FBN2: variants seen among roughly 807,000 people sequenced by gnomAD.
FBN2 encodes fibrillin-2.
In FBN2, 105 loss-of-function variants were observed where a neutral mutation model predicts 355.6. The ratio of observed to expected loss-of-function variants is 0.30; its 90% CI spans 0.25 to 0.35. The LOEUF (loss-of-function observed/expected upper bound fraction) is 0.35, where lower values mean the gene tolerates loss of function less well. FBN2 is among the 10% of genes least tolerant of loss of function. The pLI is 1.00. For synonymous variants in FBN2, 1,350 were observed against 1,301.2 expected (o/e 1.04, Z -0.81); for missense variants, 3,280 against 3,758.7 (o/e 0.87, Z 3.33).
intron 36 of FBN2, among the ~76,000 whole-genome samples, chr5:128,317,696 C>T (rs1382610261): frequency 2.6e-5 from 4 of 152,172 alleles, no homozygotes; most frequent in Non-Finnish European, 4.4e-5. Flanking sequence ...CCTCCTCCTC[C>T]CTGTCACCTT....
In FBN2 at chr5:128,338,137, C is replaced by A; in HGVS notation, c.3473-15G>T. The A allele has an allele frequency of 6.2e-7, 1 of 1,613,266 alleles. No individual in the cohort carries two copies. The highest frequency in any genetic ancestry group is 8.5e-7 in the Non-Finnish European group (1 of 1,179,444). ...TTCGTCAATGTCTGAAAGGTAAAAACGTGAGATCCATTAAAGAACTCTGAG... is the reference window on the plus strand; with the variant it reads ...TTCGTCAATGTCTGAAAGGTAAAAAAGTGAGATCCATTAAAGAACTCTGAG... On this transcript the variant is annotated splice_polypyrimidine_tract_variant and intron_variant, in intron 26 of 64. Transcript: ENST00000262464.
intron 13 of FBN2, among the ~76,000 whole-genome samples, 196 bp from the exon 14 acceptor site, chr5:128,377,049 G>T (rs776135930): frequency 2.4e-4 from 36 of 152,074 alleles, no homozygotes; most frequent in Non-Finnish European, 2.9e-4. Flanking sequence ...TCAGTATATG[G>T]ATATAAAGGA....
rs749819006 is a variant in FBN2 at position 128,536,482 on chromosome 5, G to C, written c.257C>G (p.Pro86Arg). 25 of 1,613,270 alleles carry C rather than the reference G, an allele frequency of 1.5e-5. No individual in the cohort carries two copies. The highest frequency in any genetic ancestry group is 1.9e-5 in the Non-Finnish European group (22 of 1,179,610). The stretch of plus-strand genomic sequence containing the variant: ...GTGGAATCTGGAGCCGCACACGTTG[G>C]GCCTGTGATGGACAAGCGCGGTCAC... ...RRGQQDVLRG[P>R]NVCGSRFHSY... Residue 86 changes from proline to arginine, a missense_variant and splice_region_variant, in exon 2 of 65, where the codon CCC (proline) becomes CGC (arginine). Pro to Arg is a moderately radical substitution (Grantham distance 103). This residue lies in a region of FBN2 where 203 missense variants were observed against 142.2 expected (regional missense o/e 1.43). Coordinates refer to ENST00000262464, the MANE Select transcript of FBN2 (RefSeq NM_001999.4).
chr5:128,381,958 T>C (rs1345089614), intron 11 of FBN2, among the ~76,000 whole-genome samples: 2 of 152,048 alleles, frequency 1.3e-5, no homozygotes, highest in Non-Finnish European at 2.9e-5. Flanking sequence ...TTGGCCCACA[T>C]TTTCTTTTAT....
chr5:128,337,868 G>T, intron 27 of FBN2, 129 bp downstream of exon 27: 1 of 962,234 alleles, frequency 1.0e-6, no homozygotes. Flanking sequence ...CCAGATGTAG[G>T]GAATCTCAAT....
intron 17 of FBN2, 31 bp from the exon 18 acceptor site, chr5:128,364,756 CAACA>C: frequency 6.3e-7 from 1 of 1,587,606 alleles, no homozygotes; most frequent in Non-Finnish European, 8.6e-7. Flanking sequence ...TTAGTGCTAT[CAACA>C]AACATGTTAT....
chr5:128,349,258 A>G, intron 23 of FBN2, 89 bp downstream of exon 23: 1 of 1,506,104 alleles, frequency 6.6e-7, no homozygotes, highest in Non-Finnish European at 9.2e-7. Context: ...CTCAAGTACA[A>G]ACTCTTGTGG....
rs1382726763 is a variant in FBN2 at position 128,393,360 on chromosome 5, G to A, written c.1240C>T (p.Arg414Cys). ...GGAAGTCCATCCATGCAAAGTCTGC[G>A]ATATTCCTCTAGAAGAAAAGAAAGT... ...ACPVRGSEEY[R>C]RLCMDGLPMG... The change falls in exon 10 of 65, where the codon CGC (arginine) becomes TGC (cysteine). Residue 414 changes from arginine to cysteine, a missense_variant. By Grantham distance (180) the Arg-to-Cys change is radical. This residue lies in a region of FBN2 where 343 missense variants were observed against 331.0 expected (regional missense o/e 1.04). Transcript: ENST00000262464. 3 of 1,613,742 alleles carry A rather than the reference G, an allele frequency of 1.9e-6. No individual in the cohort carries two copies. The highest frequency in any genetic ancestry group is 2.5e-6 in the Non-Finnish European group (3 of 1,179,820).
chr5:128,530,396 C>T (rs537796211), intron 3 of FBN2, among the ~76,000 whole-genome samples, 199 bp downstream of exon 3: 40 of 152,292 alleles, frequency 2.6e-4, no homozygotes, highest in African/African-American at 9.1e-4. Flanking sequence ...GTCTGTGTTT[C>T]CTTGGGCCAG....
At chr5:128,306,820 T>C (rs149434089) in intron 42 of FBN2, among the ~76,000 whole-genome samples, 1 of 152,086 alleles carries the variant, frequency 6.6e-6, no homozygotes, top group Non-Finnish European at 1.5e-5. Flanking sequence ...AAGGTTAAAA[T>C]AAGGTAGATT....
At chr5:128,314,510 G>A (rs1220889672) in intron 36 of FBN2, among the ~76,000 whole-genome samples, 1 of 151,964 alleles carries the variant, frequency 6.6e-6, no homozygotes, top group African/African-American at 2.4e-5. Context: ...TAGAGACGGG[G>A]TTTCACCATG....
intron 14 of FBN2, among the ~76,000 whole-genome samples, chr5:128,375,948 G>C (rs1240866918): frequency 6.6e-6 from 1 of 152,098 alleles, no homozygotes; most frequent in Non-Finnish European, 1.5e-5. Flanking sequence ...TGATGTGGGA[G>C]GATGCTTGAG....
At chr5:128,265,255 T>C (rs954810136) in intron 62 of FBN2, among the ~76,000 whole-genome samples, 1 of 152,144 alleles carries the variant, frequency 6.6e-6, no homozygotes. Flanking sequence ...CTAAATTAGA[T>C]TACAATTTAA....
chr5:128,328,592 G>T, intron 34 of FBN2, 104 bp downstream of exon 34: 1 of 1,165,128 alleles, frequency 8.6e-7, no homozygotes, highest in Non-Finnish European at 1.3e-6. Context: ...TGCAGCATGT[G>T]CTATGTATTC....
chr5:128,490,491 C>T (rs576394882), intron 5 of FBN2, among the ~76,000 whole-genome samples: 1 of 152,272 alleles, frequency 6.6e-6, no homozygotes, highest in South Asian at 2.1e-4. Context: ...CAAGAGTTTA[C>T]ACCTCTATAA....
intron 5 of FBN2, among the ~76,000 whole-genome samples, chr5:128,475,706 A>C (rs1754991164): frequency 6.6e-6 from 1 of 152,190 alleles, no homozygotes; most frequent in Admixed American, 6.5e-5. Flanking sequence ...TGAATTTCTG[A>C]ACTCTGAAAA....
intron 4 of FBN2, among the ~76,000 whole-genome samples, chr5:128,526,033 C>A (rs1420723453): frequency 6.6e-6 from 1 of 151,972 alleles, no homozygotes; most frequent in Non-Finnish European, 1.5e-5. Flanking sequence ...GTTGACCTAC[C>A]CCTGACCTTA....
intron 59 of FBN2, among the ~76,000 whole-genome samples, chr5:128,275,611 AAAT>A (rs933977452): frequency 4.4e-4 from 67 of 152,252 alleles, no homozygotes; most frequent in African/African-American, 1.4e-3. Context: ...TTAGCTTGAT[AAAT>A]AATTACTTTT....
At chr5:128,361,161 T>G (rs907490033) in intron 19 of FBN2, among the ~76,000 whole-genome samples, 1 of 152,190 alleles carries the variant, frequency 6.6e-6, no homozygotes, top group Non-Finnish European at 1.5e-5. Flanking sequence ...AAAGAAGCTT[T>G]TAAACACTAG....
Sources: allele counts gnomAD v4.1 joint callset (sites outside exome capture counted in the v4.1 genomes callset), GRCh38; gene constraint gnomAD v4.1.1; regional missense constraint gnomAD v4.1.1; transcripts MANE v1.5; gene names NCBI Gene and HGNC (gene_info 2026-07-23, HGNC 2026-07-21).